POLR2F: variants seen among roughly 807,000 people sequenced by gnomAD.
The protein encoded by POLR2F is RNA polymerase II, I and III subunit F.
POLR2F carries 12 observed loss-of-function variants against 22.7 expected under a neutral mutation model. The observed-to-expected ratio is 0.53, with a 90% CI of 0.34 to 0.86. POLR2F has a LOEUF of 0.86. Among genes scored for constraint, POLR2F ranks in the 40% least tolerant of loss-of-function variants. POLR2F has a pLI of 0.02. For missense variants in POLR2F, 126 were observed against 171.5 expected, an observed-to-expected ratio of 0.73 and a Z score of 1.48; for synonymous variants, 57 against 66.0, an observed-to-expected ratio of 0.86 and a Z score of 0.66.
At chr22:38,022,086 G>C (rs373492177) in intron 1 of POLR2F, among the ~76,000 whole-genome samples, 2 of 150,284 alleles carry the variant, frequency 1.3e-5, no homozygotes, top group African/African-American at 2.5e-5. Context: ...AGCTGAGATC[G>C]TGCCACTGCA....
intron 3 of POLR2F, among the ~76,000 whole-genome samples, chr22:37,963,421 C>G (rs1320124429): frequency 1.3e-5 from 2 of 152,198 alleles, no homozygotes; most frequent in South Asian, 4.1e-4. Flanking sequence ...TCCCAGGTAG[C>G]TAGGACTACA....
At chr22:37,999,070 A>G (rs2084745213) in intron 1 of POLR2F, among the ~76,000 whole-genome samples, 1 of 151,746 alleles carries the variant, frequency 6.6e-6, no homozygotes, top group Non-Finnish European at 1.5e-5. Context: ...CCTCATTCCC[A>G]GACGGCCGTA....
Position 37,987,488 on chromosome 22 carries a change from C to G in POLR2F, c.120+1176C>G, listed in dbSNP as rs55695726. 5.5e-5 allele frequency: 16 copies of G among 292,940 alleles called. No homozygotes were observed. The Admixed American group carries it at 7.6e-4, about 14-fold the overall frequency. The allele number at this position is 292,940 out of a possible 1,614,324, so 18.1% of individuals were successfully genotyped here. ...ATGGAAGGCTCCGCCTGTGTTCCCC[C>G]ACTGGGTCCCTGGTCCCTCACCTGT... On this transcript the variant is annotated intron_variant, in intron 1 of 2. Coordinates refer to the POLR2F transcript ENST00000333418.
chr22:38,018,509 G>A (rs917010394), intron 1 of POLR2F, among the ~76,000 whole-genome samples: 1 of 152,134 alleles, frequency 6.6e-6, no homozygotes, highest in African/African-American at 2.4e-5. Context: ...CAGGCTTAGG[G>A]TGGGGTCAAG....
Position 37,969,064 on chromosome 22 carries a change from T to A in POLR2F, c.*1349T>A. Reference sequence around the variant, plus strand: ...GGTCACTTTCTCGGCCCCATTTCTCTAAATGGTCTCTTTGTTCCCTGCTGG... The same window carrying A: ...GGTCACTTTCTCGGCCCCATTTCTCAAAATGGTCTCTTTGTTCCCTGCTGG... On this transcript the variant is annotated 3_prime_UTR_variant, in exon 5 of 5. Coordinates refer to ENST00000442738, the MANE Select transcript of POLR2F (RefSeq NM_021974.5). The A allele has an allele frequency of 1.0e-6, 1 of 985,432 alleles. No individual in the cohort carries two copies. Among genetic ancestry groups the A allele is most frequent in the Non-Finnish European group, 1.2e-6 (1 of 829,948 alleles). 61.0% of individuals were successfully genotyped at this position (985,432 alleles called of 1,614,324 possible). A position where few individuals can be genotyped will look rare whatever the true frequency, so the allele number is the denominator to read the frequency against.
chr22:37,983,476 G>A (rs1267906231), upstream of POLR2F: 6 of 1,612,006 alleles, frequency 3.7e-6, no homozygotes, highest in East Asian at 2.2e-5. The surrounding 1 kb of genome is among the most constrained non-coding windows in gnomAD (Gnocchi z 9.5). Flanking sequence ...GCCGCTTGAC[G>A]TGCGGCTTGC....
downstream of POLR2F, among the ~76,000 whole-genome samples, chr22:38,028,068 A>C (rs2085030680): frequency 6.6e-6 from 1 of 152,126 alleles, no homozygotes; most frequent in African/African-American, 2.4e-5. Context: ...TGCATCACCG[A>C]AAGTCCCTGC....
At chr22:37,982,402 T>TG (rs1932428073), upstream of POLR2F, among the ~76,000 whole-genome samples, 1 of 151,294 alleles carries the variant, frequency 6.6e-6, no homozygotes, top group Non-Finnish European at 1.5e-5. Flanking sequence ...CGGGTGGGAG[T>TG]GGGGGACTGT....
chr22:38,026,981 G>A (rs145944733), downstream of POLR2F, among the ~76,000 whole-genome samples: 83 of 152,272 alleles, frequency 5.5e-4, no homozygotes, highest in Non-Finnish European at 1.1e-3. Flanking sequence ...GTGGATGGAC[G>A]GGGAGGGGCG....
chr22:37,971,252 G>C (rs1241702304), downstream of POLR2F: 3 of 471,158 alleles, frequency 6.4e-6, no homozygotes, highest in East Asian at 6.9e-5. Context: ...TCAGATTCTG[G>C]CACCAGCACT....
chr22:37,960,670 G>A (rs540922360), intron 3 of POLR2F, among the ~76,000 whole-genome samples: 1 of 152,044 alleles, frequency 6.6e-6, no homozygotes, highest in African/African-American at 2.4e-5. Flanking sequence ...CAAAGTGTTG[G>A]GATTACAGAC....
In POLR2F at chr22:37,953,921, T is replaced by C. The variant is rs919378008; in HGVS notation, c.20+114T>C. 5 of 1,254,878 alleles carry C rather than the reference T, an allele frequency of 4.0e-6. No homozygotes were observed. The African/African-American group carries it at 7.5e-5, about 19-fold the overall frequency. 77.7% of individuals were successfully genotyped at this position (1,254,878 alleles called of 1,614,324 possible). The stretch of plus-strand genomic sequence containing the variant: ...GGGGCAATGTCTGAGGGGACTGGGG[T>C]CCTGAGGGGGCCGGCGGAGCCGAGG... On this transcript the variant is annotated intron_variant, in intron 1 of 4. Transcript: ENST00000442738.
Position 38,000,444 on chromosome 22 carries a change from T to A in POLR2F, c.120+14132T>A, listed in dbSNP as rs548417745. Among the ~76,000 whole-genome samples the A allele has an allele frequency of 6.6e-5, 10 of 152,286 alleles. No individual in the cohort carries two copies. The East Asian group carries it at 1.7e-3, about 26-fold the overall frequency. ...GTGGGCTGGGAAAATTCCTTACTTA[T>A]AGCTGGGGTGGGGAGAGGACACACG... On this transcript the variant is annotated intron_variant, in intron 1 of 2. Coordinates refer to the POLR2F transcript ENST00000333418.
At chr22:37,967,071 T>C in intron 3 of POLR2F, 28 bp from the exon 4 acceptor site, 1 of 1,552,958 alleles carries the variant, frequency 6.4e-7, no homozygotes. Context: ...GTTTGTAGTC[T>C]CCCTAACACC....
intron 1 of POLR2F, among the ~76,000 whole-genome samples, chr22:37,991,287 T>G (rs1168103078): frequency 6.6e-6 from 1 of 152,088 alleles, no homozygotes; most frequent in African/African-American, 2.4e-5. Flanking sequence ...CCGGCTAGTT[T>G]TTTGTATTTT....
chr22:37,983,274 G>C (rs1042937117), upstream of POLR2F: 43 of 1,467,652 alleles, frequency 2.9e-5, no homozygotes, highest in African/African-American at 4.5e-4. The surrounding 1 kb of genome is among the most constrained non-coding windows in gnomAD (Gnocchi z 9.5). Flanking sequence ...CCGCTCTGAG[G>C]TGCAGGAGGC....
chr22:38,024,144 C>T (rs185729855), intron 1 of POLR2F, among the ~76,000 whole-genome samples: 1 of 152,070 alleles, frequency 6.6e-6, no homozygotes, highest in Non-Finnish European at 1.5e-5. Flanking sequence ...GCGCCTGGCC[C>T]TGTCTCTATG....
At chr22:37,999,993 C>T (rs762554281) in intron 1 of POLR2F, among the ~76,000 whole-genome samples, 9 of 152,186 alleles carry the variant, frequency 5.9e-5, no homozygotes, top group Non-Finnish European at 7.3e-5. Flanking sequence ...CTAGGCGAAT[C>T]GCAGGGATCC....
chr22:37,956,735 G>A (rs780207872), intron 1 of POLR2F, 38 bp from the exon 2 acceptor site: 1 of 1,545,816 alleles, frequency 6.5e-7, no homozygotes, highest in South Asian at 1.1e-5. Flanking sequence ...ATTCTTTTAA[G>A]TGATGCTCTA....
Sources: allele counts gnomAD v4.1 joint callset (sites outside exome capture counted in the v4.1 genomes callset), GRCh38; gene constraint gnomAD v4.1.1; non-coding constraint Gnocchi (gnomAD v3.1); transcripts MANE v1.5; gene names NCBI Gene and HGNC (gene_info 2026-07-23, HGNC 2026-07-21).